MFSD1: variants seen among roughly 807,000 people sequenced by gnomAD.
The protein encoded by MFSD1 is lysosomal dipeptide transporter MFSD1.
Under a neutral mutation model 67.1 loss-of-function variants are expected in MFSD1, and 59 were observed. The observed-to-expected ratio is 0.88, with a 90% CI of 0.71 to 1.09. The LOEUF (loss-of-function observed/expected upper bound fraction) is 1.09, where lower values mean the gene tolerates loss of function less well. Among genes scored for constraint, MFSD1 ranks in the 50% least tolerant of loss-of-function variants. The probability of loss-of-function intolerance (pLI) is 0.00; values close to 1 mark genes in which losing one functional copy is unlikely to be tolerated. For synonymous variants in MFSD1, 213 were observed against 200.3 expected, an observed-to-expected ratio of 1.06 and a Z score of -0.54; for missense variants, 552 against 566.1, an observed-to-expected ratio of 0.97 and a Z score of 0.25.
intron 6 of MFSD1, among the ~76,000 whole-genome samples, chr3:158,809,703 A>G (rs1729906058): frequency 6.6e-6 from 1 of 152,200 alleles, no homozygotes; most frequent in Admixed American, 6.5e-5. Flanking sequence ...GTAACCTCAC[A>G]TAGCGATGAA....
intron 10 of MFSD1, 28 bp downstream of exon 10, chr3:158,821,681 C>A (rs1400504128): frequency 1.3e-6 from 2 of 1,549,644 alleles, no homozygotes; most frequent in Non-Finnish European, 1.8e-6. Context: ...TTGTAAGTGC[C>A]TATTGCATGT....
At chr3:158,827,972 G>GAGAGAGAGAGAC (rs1731093518) in intron 15 of MFSD1, among the ~76,000 whole-genome samples, 1 of 136,346 alleles carries the variant, frequency 7.3e-6, no homozygotes. Flanking sequence ...GAGAGAGAGA[G>GAGAGAGAGAGAC]AGAGAGACAG....
chr3:158,827,976 G>GAGACAGAGAGAC (rs1731097178), intron 15 of MFSD1, among the ~76,000 whole-genome samples: 10 of 78,912 alleles, frequency 1.3e-4, no homozygotes, highest in African/African-American at 4.9e-4. Context: ...GAGAGAGAGA[G>GAGACAGAGAGAC]AGACAGAGAT....
At chr3:158,807,279 A>G (rs1361920298) in intron 4 of MFSD1, 117 bp from the exon 5 acceptor site, 2 of 981,542 alleles carry the variant, frequency 2.0e-6, no homozygotes, top group Non-Finnish European at 3.1e-6. Flanking sequence ...TCACAGATTT[A>G]TTAAGGAGAA....
chr3:158,807,209 T>TG, intron 4 of MFSD1, 127 bp downstream of exon 4: 2 of 971,014 alleles, frequency 2.1e-6, no homozygotes, highest in Admixed American at 4.2e-5. Flanking sequence ...TAAATGCCCA[T>TG]GTGATATAAT....
At position 158,828,964 on chromosome 3, in the gene MFSD1, C is replaced by G. The variant is rs375410786; in HGVS notation, c.1395-15C>G. 6.3e-7 allele frequency: 1 copy of G among 1,596,966 alleles called. No individual in the cohort carries two copies. The highest frequency in any genetic ancestry group is 2.3e-5 in the East Asian group (1 of 44,032). On this transcript the variant is annotated splice_polypyrimidine_tract_variant and intron_variant, in intron 15 of 15. Transcript: ENST00000415822. Reference sequence around the variant, plus strand: ...TTTCTTCCTCTTTGGTAATTTATTGCGTTATGTTTTGCAGATGAGAAGTTA... The same window carrying G: ...TTTCTTCCTCTTTGGTAATTTATTGGGTTATGTTTTGCAGATGAGAAGTTA...
chr3:158,804,241 G>GT (rs1310408382), intron 1 of MFSD1, 78 bp from the exon 2 acceptor site: 1 of 1,001,238 alleles, frequency 1.0e-6, no homozygotes, highest in East Asian at 2.5e-5. Flanking sequence ...ATTTAAAATT[G>GT]TAATTTCAGT....
intron 6 of MFSD1, among the ~76,000 whole-genome samples, chr3:158,811,070 C>T (rs564173316): frequency 6.6e-6 from 1 of 152,190 alleles, no homozygotes; most frequent in Non-Finnish European, 1.5e-5. Flanking sequence ...ATTCATTAAG[C>T]TGCATTCTGA....
At chr3:158,812,616 T>C (rs1358001986) in intron 6 of MFSD1, among the ~76,000 whole-genome samples, 1 of 152,210 alleles carries the variant, frequency 6.6e-6, no homozygotes, top group South Asian at 2.1e-4. Context: ...ATCTCTGTTC[T>C]GGATTATTGC....
intron 13 of MFSD1, 135 bp from the exon 14 acceptor site, chr3:158,825,880 G>T (rs1730940384): frequency 1.3e-5 from 9 of 687,432 alleles, no homozygotes; most frequent in Non-Finnish European, 2.5e-6. Context: ...TAAAATAATG[G>T]GAATAATATT....
At chr3:158,826,171 T>G in intron 14 of MFSD1, 109 bp downstream of exon 14, 1 of 762,666 alleles carries the variant, frequency 1.3e-6, no homozygotes, top group South Asian at 1.7e-5. Flanking sequence ...AGTAATGACT[T>G]TCTGTTCATA....
At chr3:158,814,228 A>AC (rs1730194464) in intron 7 of MFSD1, among the ~76,000 whole-genome samples, 161 bp downstream of exon 7, 1 of 152,212 alleles carries the variant, frequency 6.6e-6, no homozygotes, top group African/African-American at 2.4e-5. Context: ...ATAGGCTATC[A>AC]TTTACGCTGT....
At chr3:158,823,399 T>A in intron 11 of MFSD1, 29 bp from the exon 12 acceptor site, 1 of 1,454,282 alleles carries the variant, frequency 6.9e-7, no homozygotes, top group Non-Finnish European at 9.7e-7. Context: ...AATGTAAGAC[T>A]GTGACCTTTT....
intron 3 of MFSD1, 52 bp from the exon 4 acceptor site, chr3:158,806,988 A>T (rs994711981): frequency 7.0e-7 from 1 of 1,423,916 alleles, no homozygotes. Context: ...AGAAATTAAG[A>T]TTTTTTTTTT....
rs764832467 is a variant in MFSD1, at chr3:158,805,433, T to A, written c.288T>A (p.Cys96Ter). 1.9e-6 allele frequency: 3 copies of A among 1,614,024 alleles called. No individual in the cohort carries two copies. The Admixed American group carries it at 5.0e-5, about 27-fold the overall frequency. Residue 96 changes from cysteine to a stop codon, truncating the protein, a stop_gained, in exon 3 of 16, where the codon TGT (cysteine) becomes TGA (stop). Coordinates refer to ENST00000415822, the MANE Select transcript of MFSD1 (RefSeq NM_022736.4). LOFTEE classifies it high-confidence loss of function. ...ATTCTTGGCCCAATGTAGTTTTGTG[T>A]TTCTTTGGTGGCTTTTTGATAGACC... Reference protein sequence around the residue: ...AWYSWPNVVLCFFGGFLIDRV... With the variant: ...AWYSWPNVVL
intron 7 of MFSD1, among the ~76,000 whole-genome samples, chr3:158,816,481 G>A (rs1354559584): frequency 2.0e-5 from 3 of 152,226 alleles, no homozygotes; most frequent in South Asian, 2.1e-4. Context: ...CATGTCCTTC[G>A]CTCACTTTTT....
At chr3:158,818,981 T>G (rs1362138313) in intron 7 of MFSD1, among the ~76,000 whole-genome samples, 2 of 152,262 alleles carry the variant, frequency 1.3e-5, no homozygotes, top group Non-Finnish European at 2.9e-5. Flanking sequence ...TTTCAGCGAA[T>G]TTTCAACCGG....
intron 3 of MFSD1, among the ~76,000 whole-genome samples, chr3:158,806,467 T>A (rs1439611327): frequency 6.6e-6 from 1 of 152,196 alleles, no homozygotes; most frequent in Admixed American, 6.5e-5. Flanking sequence ...AAGTATGGTT[T>A]ACCCTGATGG....
At chr3:158,826,746 C>G (rs773345996) in intron 14 of MFSD1, among the ~76,000 whole-genome samples, 6 of 151,556 alleles carry the variant, frequency 4.0e-5, no homozygotes, top group Non-Finnish European at 7.4e-5. Flanking sequence ...CAGCTCACTG[C>G]AGCCTCAACC....
Sources: gnomAD v4.1 joint callset for allele counts (sites outside exome capture counted in the v4.1 genomes callset) on GRCh38, gnomAD v4.1.1 for gene constraint, MANE v1.5 for transcripts, NCBI Gene and HGNC (gene_info 2026-07-23, HGNC 2026-07-21) for gene names.